The following VRK1 variants were observed in gnomAD, a reference collection of about 807,000 sequenced individuals.
The protein encoded by VRK1 is serine/threonine-protein kinase VRK1.
Under a neutral mutation model 57.1 loss-of-function variants are expected in VRK1, and 33 were observed. The ratio of observed to expected loss-of-function variants is 0.58; its 90% CI spans 0.44 to 0.77. The LOEUF is 0.77. Among genes scored for constraint, VRK1 ranks in the 30% least tolerant of loss-of-function variants. The pLI, the probability that VRK1 is intolerant of heterozygous loss-of-function variation, is 0.00. For missense variants in VRK1, 413 were observed against 477.3 expected (o/e 0.87, Z 1.25); for synonymous variants, 137 against 147.8 (o/e 0.93, Z 0.53).
At chr14:96,880,121 A>G (rs1029706770) in intron 12 of VRK1, among the ~76,000 whole-genome samples, 1 of 152,110 alleles carries the variant, frequency 6.6e-6, no homozygotes, top group East Asian at 1.9e-4. Context: ...TAAGCTTGAA[A>G]TTTGCTTTCA....
At chr14:96,809,717 C>T (rs777136456) in intron 1 of VRK1, among the ~76,000 whole-genome samples, 1 of 151,804 alleles carries the variant, frequency 6.6e-6, no homozygotes. Flanking sequence ...GGATTATAGG[C>T]GCCTGCCACC....
chr14:96,868,794 TTC>T (rs533206541), intron 11 of VRK1, among the ~76,000 whole-genome samples: 90 of 142,558 alleles, frequency 6.3e-4, no homozygotes, highest in African/African-American at 2.4e-3. Flanking sequence ...TGTTAAGCAT[TTC>T]TGTGCTTTTT....
intron 1 of VRK1, among the ~76,000 whole-genome samples, chr14:96,824,940 A>G (rs1886746025): frequency 6.6e-6 from 1 of 152,162 alleles, no homozygotes; most frequent in Admixed American, 6.5e-5. Flanking sequence ...GGTGTGAGCC[A>G]CCGCACCCGG....
At chr14:96,871,487 T>C (rs1470584274) in intron 11 of VRK1, among the ~76,000 whole-genome samples, 1 of 152,260 alleles carries the variant, frequency 6.6e-6, no homozygotes. Flanking sequence ...AACACTCATT[T>C]ATGGAACCCT....
intron 3 of VRK1, among the ~76,000 whole-genome samples, chr14:96,840,023 G>A (rs370550163): frequency 9.2e-5 from 14 of 152,286 alleles, no homozygotes; most frequent in African/African-American, 3.4e-4. Context: ...AAAGATTCTT[G>A]TGTCGTTGTT....
chr14:96,852,756 C>CTT, intron 5 of VRK1, 75 bp from the exon 6 acceptor site: 1 of 1,032,336 alleles, frequency 9.7e-7, no homozygotes, highest in Non-Finnish European at 1.5e-6. Context: ...GAAAAAATTA[C>CTT]TTTGAGAGTA....
intron 11 of VRK1, among the ~76,000 whole-genome samples, chr14:96,866,516 C>G (rs928755032): frequency 2.0e-5 from 3 of 152,128 alleles, no homozygotes; most frequent in African/African-American, 7.2e-5. Flanking sequence ...TGGCAGTTCC[C>G]TGTTTACTGT....
chr14:96,880,410 T>C (rs1889214971), intron 12 of VRK1, among the ~76,000 whole-genome samples: 1 of 152,200 alleles, frequency 6.6e-6, no homozygotes, highest in Admixed American at 6.5e-5. Flanking sequence ...CATGCGGCAG[T>C]GGGAAAGAAA....
chr14:96,850,280 A>G (rs1391045168), intron 5 of VRK1, among the ~76,000 whole-genome samples: 1 of 152,182 alleles, frequency 6.6e-6, no homozygotes, highest in African/African-American at 2.4e-5. Context: ...ACTCATTTGA[A>G]TTAATATGTA....
chr14:96,875,995 A>G, intron 11 of VRK1, 35 bp from the exon 12 acceptor site: 1 of 1,592,456 alleles, frequency 6.3e-7, no homozygotes, highest in Non-Finnish European at 8.6e-7. Context: ...TGACTGTCAG[A>G]TATCTCTCTC....
chr14:96,810,256 TC>T (rs761525904), intron 1 of VRK1, among the ~76,000 whole-genome samples: 2 of 152,240 alleles, frequency 1.3e-5, no homozygotes, highest in African/African-American at 2.4e-5. Context: ...ATAAAAATCT[TC>T]CTGTCTTACA....
intron 4 of VRK1, among the ~76,000 whole-genome samples, chr14:96,846,832 A>G (rs1887716675): frequency 6.6e-6 from 1 of 152,124 alleles, no homozygotes; most frequent in Admixed American, 6.5e-5. Context: ...TATTATAAGT[A>G]ATCTAGAGAT....
chr14:96,798,249 G>A (rs955559241), intron 1 of VRK1, among the ~76,000 whole-genome samples: 10 of 152,174 alleles, frequency 6.6e-5, no homozygotes, highest in African/African-American at 2.4e-4. Flanking sequence ...TACTGTTGCA[G>A]CTCCATTCAG....
At chr14:96,826,961 G>T (rs1367121117) in intron 1 of VRK1, among the ~76,000 whole-genome samples, 3 of 152,176 alleles carry the variant, frequency 2.0e-5, no homozygotes, top group Non-Finnish European at 4.4e-5. Flanking sequence ...GTCAAACAGG[G>T]TATGGGAGGA....
At chr14:96,817,301 A>G (rs189105400) in intron 1 of VRK1, among the ~76,000 whole-genome samples, 63 of 152,216 alleles carry the variant, frequency 4.1e-4, no homozygotes, top group Non-Finnish European at 1.6e-4. Context: ...TTTAAATACT[A>G]AGAAAATTTG....
At chr14:96,829,546 C>G (rs1886927870) in intron 1 of VRK1, among the ~76,000 whole-genome samples, 1 of 152,094 alleles carries the variant, frequency 6.6e-6, no homozygotes, top group African/African-American at 2.4e-5. Flanking sequence ...CCTATTCTAT[C>G]TTTTATCTCT....
At chr14:96,863,203 T>C (rs1179518858) in intron 11 of VRK1, among the ~76,000 whole-genome samples, 1 of 152,230 alleles carries the variant, frequency 6.6e-6, no homozygotes, top group African/African-American at 2.4e-5. Flanking sequence ...AGTATACATC[T>C]GCCCTTAAAA....
chr14:96,818,481 A>T (rs892278508), intron 1 of VRK1, among the ~76,000 whole-genome samples: 1 of 152,060 alleles, frequency 6.6e-6, no homozygotes, highest in East Asian at 1.9e-4. Flanking sequence ...GTGTGAAAAC[A>T]TGACTAGTGT....
Position 96,846,151 on chromosome 14 carries a change from A to G in VRK1, c.273A>G (p.Ala91=). 1 of 1,613,424 alleles carries G rather than the reference A, an allele frequency of 6.2e-7. No individual in the cohort carries two copies. Among genetic ancestry groups the G allele is most frequent in the Non-Finnish European group, 8.5e-7 (1 of 1,179,552 alleles). The change falls in exon 4 of 13, where the codon GCA becomes GCG. Residue 91 remains alanine (A), a synonymous_variant. Coordinates refer to ENST00000216639, the MANE Select transcript of VRK1 (RefSeq NM_003384.3). ...FTELKFYQRA[A]KPEQIQKWIR... ...AATTAAAGTTCTACCAACGAGCTGC[A>G]AAACCAGAGCAAAGTAAGAAATACA...
Sources: allele counts gnomAD v4.1 joint callset (sites outside exome capture counted in the v4.1 genomes callset), GRCh38; gene constraint gnomAD v4.1.1; transcripts MANE v1.5; gene names NCBI Gene and HGNC (gene_info 2026-07-23, HGNC 2026-07-21).